The following PRELID1 variants were observed in gnomAD, a reference collection of about 807,000 sequenced individuals.
PRELID1 encodes PRELI domain-containing protein 1, mitochondrial.
Under a neutral mutation model 29.0 loss-of-function variants are expected in PRELID1, and 15 were observed. The observed-to-expected ratio is 0.52, with a 90% CI of 0.35 to 0.80. The LOEUF is 0.80. Among genes scored for constraint, PRELID1 ranks in the 30% least tolerant of loss-of-function variants. PRELID1 has a pLI of 0.01. For synonymous variants in PRELID1, 79 were observed against 106.5 expected (o/e 0.74, Z 1.59); for missense variants, 187 against 275.9 (o/e 0.68, Z 2.28).
chr5:177,305,788 A>C (rs1157258742), intron 2 of PRELID1, 83 bp from the exon 3 acceptor site: 1 of 1,168,434 alleles, frequency 8.6e-7, no homozygotes, highest in Non-Finnish European at 1.3e-6. Flanking sequence ...GCTTCGCCTC[A>C]TGAAAAGTGA....
In PRELID1 at chr5:177,306,808, CG is replaced by C; in HGVS notation, c.*242del. 1.3e-6 allele frequency: 1 copy of C among 782,696 alleles called. No homozygotes were observed. The highest frequency in any genetic ancestry group is 2.9e-5 in the Admixed American group (1 of 34,102). 48.5% of individuals were successfully genotyped at this position (782,696 alleles called of 1,614,324 possible). A position where few individuals can be genotyped will look rare whatever the true frequency, so the allele number is the denominator to read the frequency against. On this transcript the variant is annotated 3_prime_UTR_variant, in exon 5 of 5. Transcript: ENST00000303204. The stretch of plus-strand genomic sequence containing the variant: ...AGGCACAGAGGTGCGGTGACTTGCC[CG>C]GGGCTCCAGGTAGCCTGCAGGTTAA...
Position 177,306,094 on chromosome 5 carries a change from C to G in PRELID1, c.433-4C>G. On this transcript the variant is annotated splice_region_variant and splice_polypyrimidine_tract_variant and intron_variant, in intron 3 of 4. Coordinates refer to ENST00000303204, the MANE Select transcript of PRELID1 (RefSeq NM_013237.4). ...GTATCCTTCCCATTCTCATCTCATG[C>G]CAGGAATTTGGTCTTGCCCGATTCA... The G allele has an allele frequency of 6.2e-7, 1 of 1,610,472 alleles. No homozygotes were observed.
rs1467364903 is a variant in PRELID1 at position 177,306,575 on chromosome 5, T to C, written c.*5T>C. ...CAGCAGCAACAGTTTGTGTAGCCAGTCTACCACCACCACAGCACCCCAGAC... is the reference window on the plus strand; with the variant it reads ...CAGCAGCAACAGTTTGTGTAGCCAGCCTACCACCACCACAGCACCCCAGAC... On this transcript the variant is annotated 3_prime_UTR_variant, in exon 5 of 5. Coordinates refer to ENST00000303204, the MANE Select transcript of PRELID1 (RefSeq NM_013237.4). 4.4e-6 allele frequency: 7 copies of C among 1,607,910 alleles called. No homozygotes were observed. The Admixed American group carries it at 5.1e-5, about 12-fold the overall frequency.
At chr5:177,304,982 G>A (rs542635379) in intron 2 of PRELID1, 132 bp downstream of exon 2, 3 of 825,802 alleles carry the variant, frequency 3.6e-6, no homozygotes, top group East Asian at 5.3e-5. Flanking sequence ...GGGTTACTGA[G>A]GGTTGACAGC....
Position 177,303,922 on chromosome 5 carries a change from G to A in PRELID1, c.-64G>A. 1.4e-6 allele frequency: 2 copies of A among 1,456,426 alleles called. No homozygotes were observed. Among genetic ancestry groups the A allele is most frequent in the Admixed American group, 1.9e-5 (1 of 53,042 alleles). The allele number at this position is 1,456,426 out of a possible 1,614,324, so 90.2% of individuals were successfully genotyped here. On this transcript the variant is annotated 5_prime_UTR_variant, in exon 1 of 5. Transcript: ENST00000303204. This position sits in a 1 kb window ranked among gnomAD's most constrained non-coding sequence, Gnocchi z 6.1. ...CGAGCCCCGGCCCGGCCCGGCCCTC[G>A]CGTGCCTCCCAGGCTCCGCACCCCT...
rs758358635 is a variant in PRELID1, at chr5:177,305,935, G to A, written c.383G>A (p.Arg128Gln). 26 of 1,614,048 alleles carry A rather than the reference G, an allele frequency of 1.6e-5. No individual in the cohort carries two copies. Among genetic ancestry groups the A allele is most frequent in the African/African-American group, 5.3e-5 (4 of 74,914 alleles). Reference protein sequence around the residue: ...SDNSGWTEIRREAWVSSSLFG... With the variant: ...SDNSGWTEIRQEAWVSSSLFG... Reference sequence around the variant, plus strand: ...AACAGTGGCTGGACTGAAATCCGCCGGGAAGCCTGGGTCTCCTCTAGCTTA... The same window carrying A: ...AACAGTGGCTGGACTGAAATCCGCCAGGAAGCCTGGGTCTCCTCTAGCTTA... Residue 128 changes from arginine (R) to glutamine (Q), a missense_variant, in exon 3 of 5, where the codon CGG becomes CAG. By Grantham distance (43) the Arg-to-Gln change is conservative. Transcript: ENST00000303204.
intron 2 of PRELID1, 89 bp from the exon 3 acceptor site, chr5:177,305,782 C>A: frequency 2.9e-6 from 3 of 1,051,508 alleles, no homozygotes; most frequent in Non-Finnish European, 4.3e-6. Context: ...TGTATTGCTT[C>A]GCCTCATGAA....
At chr5:177,305,199 C>T (rs200043335) in intron 2 of PRELID1, among the ~76,000 whole-genome samples, 5 of 144,246 alleles carry the variant, frequency 3.5e-5, no homozygotes, top group African/African-American at 1.3e-4. Flanking sequence ...CAGTGCTTTT[C>T]TTTTTTTTTT....
Position 177,303,857 on chromosome 5 carries a change from C to A in PRELID1, c.-129C>A. 8.9e-6 allele frequency: 6 copies of A among 677,586 alleles called. No homozygotes were observed. In the South Asian group the frequency reaches 1.1e-4, roughly 12 times the overall value. The allele number at this position is 677,586 out of a possible 1,614,324, so 42.0% of individuals were successfully genotyped here. A position where few individuals can be genotyped will look rare whatever the true frequency, so the allele number is the denominator to read the frequency against. On this transcript the variant is annotated 5_prime_UTR_variant, in exon 1 of 5. An upstream open reading frame in the 5' UTR gains an earlier in-frame stop. Coordinates refer to ENST00000303204, the MANE Select transcript of PRELID1 (RefSeq NM_013237.4). This position sits in a 1 kb window ranked among gnomAD's most constrained non-coding sequence, Gnocchi z 6.1. ...CGGCGGCAGCTGCTTGGGCGCGGTGCGGTGGTGACTGAGCTACGAGCCTGG... is the reference window on the plus strand; with the variant it reads ...CGGCGGCAGCTGCTTGGGCGCGGTGAGGTGGTGACTGAGCTACGAGCCTGG...
intron 2 of PRELID1, chr5:177,305,498 C>T (rs1490261582): frequency 3.8e-5 from 10 of 261,544 alleles, no homozygotes; most frequent in Admixed American, 1.5e-4. Flanking sequence ...TGAGCCACCG[C>T]GCCGGGCAAA....
chr5:177,303,850 C>G lies in PRELID1; in HGVS notation c.-136C>G. ...GCGGCGGCGGCGGCAGCTGCTTGGG[C>G]GCGGTGCGGTGGTGACTGAGCTACG... On this transcript the variant is annotated 5_prime_UTR_variant, in exon 1 of 5. Transcript: ENST00000303204. The surrounding 1 kb of genome is among the most constrained non-coding windows in gnomAD (Gnocchi z 6.1). The G allele has an allele frequency of 1.7e-6, 1 of 574,636 alleles. No homozygotes were observed. 35.6% of individuals were successfully genotyped at this position (574,636 alleles called of 1,614,324 possible). A position where few individuals can be genotyped will look rare whatever the true frequency, so the allele number is the denominator to read the frequency against.
At chr5:177,306,375 G>C in intron 4 of PRELID1, 47 bp from the exon 5 acceptor site, 1 of 1,612,494 alleles carries the variant, frequency 6.2e-7, no homozygotes, top group Non-Finnish European at 8.5e-7. Flanking sequence ...AAATTAGGTT[G>C]GTCTTTCAGG....
At chr5:177,304,287 T>A in intron 1 of PRELID1, 1 of 607,380 alleles carries the variant, frequency 1.6e-6, no homozygotes, top group South Asian at 2.0e-5. Flanking sequence ...AAGATTCTTT[T>A]CTCAGTGTGG....
At chr5:177,304,408 C>T in intron 1 of PRELID1, 2 of 659,886 alleles carry the variant, frequency 3.0e-6, no homozygotes, top group Non-Finnish European at 2.7e-6. Context: ...GAGGTCCATT[C>T]CTGCTAGAAG....
Position 177,304,017 on chromosome 5 carries a change from T to A in PRELID1, c.32T>A (p.Leu11His). MVKYFLGQSV[L>H]RSSWDQVFAA... is the part of the protein sequence containing the mutation. ...AAGTATTTCCTGGGCCAGAGCGTGC[T>A]CCGGAGTTCCTGGGACCAAGTGTTC... Residue 11 changes from leucine to histidine, a missense_variant, in exon 1 of 5, where the codon CTC (leucine) becomes CAC (histidine). Leu to His is a moderately conservative substitution (Grantham distance 99). Transcript: ENST00000303204. 1 of 1,611,982 alleles carries A rather than the reference T, an allele frequency of 6.2e-7. No individual in the cohort carries two copies. Among genetic ancestry groups the A allele is most frequent in the Non-Finnish European group, 8.5e-7 (1 of 1,179,954 alleles).
In PRELID1 at chr5:177,306,180, A is replaced by G. The variant is rs1760868956; in HGVS notation, c.511+4A>G. ...TATATCTTGGCTAAGCTGCAAGGTG[A>G]GTTTCTGGGTATGTGGATATTCCTC... On this transcript the variant is annotated splice_donor_region_variant and intron_variant, in intron 4 of 4. Coordinates refer to ENST00000303204, the MANE Select transcript of PRELID1 (RefSeq NM_013237.4). 2.5e-6 allele frequency: 4 copies of G among 1,612,194 alleles called. No homozygotes were observed. The South Asian group carries it at 4.4e-5, about 18-fold the overall frequency.
In PRELID1 at chr5:177,306,541, AAGCAGC is replaced by A. The variant is rs752842665; in HGVS notation, c.642_647del (p.Gln216_Gln217del). On this transcript the variant is annotated inframe_deletion, in exon 5 of 5. Transcript: ENST00000303204. ...CCTCGCCAGCAAGGCGGCCACCAAGAAGCAGCAGCAGCAGCAACAGTTTGTGTAGCC... is the reference window on the plus strand; with the variant it reads ...CCTCGCCAGCAAGGCGGCCACCAAGAAGCAGCAGCAACAGTTTGTGTAGCC... The A allele has an allele frequency of 3.7e-6, 6 of 1,611,440 alleles. No homozygotes were observed. The highest frequency in any genetic ancestry group is 1.6e-4 in the Middle Eastern group (1 of 6,078).
chr5:177,304,779 G>A lies in PRELID1; in HGVS notation c.247G>A (p.Asp83Asn), dbSNP rs761943228. The change falls in exon 2 of 5, where the codon GAC (aspartate) becomes AAC (asparagine). Residue 83 changes from aspartate to asparagine, a missense_variant. Physicochemically the swap from Asp to Asn is conservative, Grantham distance 23. Transcript: ENST00000303204. ...TGCTCACTCGGTGTACGTCCTGGAG[G>A]ACTCTATTGTGGACCCACAGAATCA... ...NVAHSVYVLE[D>N]SIVDPQNQTM... The A allele has an allele frequency of 1.2e-6, 2 of 1,613,772 alleles. No individual in the cohort carries two copies. The highest frequency in any genetic ancestry group is 2.2e-5 in the South Asian group (2 of 91,062).
chr5:177,305,640 A>G (rs1048304045), intron 2 of PRELID1: 3 of 544,270 alleles, frequency 5.5e-6, no homozygotes, highest in Non-Finnish European at 3.3e-6. Context: ...GTTGATCTCA[A>G]GAGAGAGACC....
Sources: allele counts gnomAD v4.1 joint callset (sites outside exome capture counted in the v4.1 genomes callset), GRCh38; gene constraint gnomAD v4.1.1; non-coding constraint Gnocchi (gnomAD v3.1); transcripts MANE v1.5; gene names NCBI Gene and HGNC (gene_info 2026-07-23, HGNC 2026-07-21).